PTPRD: variants seen among roughly 807,000 people sequenced by gnomAD.
The protein encoded by PTPRD is receptor-type tyrosine-protein phosphatase delta.
A neutral mutation model predicts 214.5 loss-of-function variants in PTPRD; 34 were observed. The observed-to-expected ratio is 0.16, with a 90% CI of 0.12 to 0.21. The LOEUF is 0.21. Among genes scored for constraint, PTPRD ranks in the 10% least tolerant of loss-of-function variants. The pLI is 1.00. For missense variants in PTPRD, 2,545 were observed against 2,398.7 expected (o/e 1.06, Z -1.27); for synonymous variants, 1,128 against 845.7 (o/e 1.33, Z -5.79).
At chr9:10,461,323 T>C (rs1242471051) in intron 2 of PTPRD, among the ~76,000 whole-genome samples, 1 of 147,160 alleles carries the variant, frequency 6.8e-6, no homozygotes, top group African/African-American at 2.5e-5. Context: ...AGATTTCTAA[T>C]GAAATTAAAA....
intron 14 of PTPRD, among the ~76,000 whole-genome samples, chr9:8,578,823 T>G (rs2154248583): frequency 6.6e-6 from 1 of 152,360 alleles, no homozygotes. Flanking sequence ...CTTACCATTT[T>G]GATTAAAAAG....
At chr9:9,306,596 T>G (rs2135228872) in intron 9 of PTPRD, among the ~76,000 whole-genome samples, 1 of 151,728 alleles carries the variant, frequency 6.6e-6, no homozygotes, top group African/African-American at 2.4e-5. Flanking sequence ...AAAATCCATC[T>G]TTTCTTTAAA....
At chr9:10,065,187 G>GAA (rs1555538120) in intron 3 of PTPRD, among the ~76,000 whole-genome samples, 1 of 151,658 alleles carries the variant, frequency 6.6e-6, no homozygotes. Context: ...AAGAAAGAAA[G>GAA]AAAGAAAAGG....
At chr9:9,060,301 A>G (rs573555125) in intron 10 of PTPRD, among the ~76,000 whole-genome samples, 1 of 152,298 alleles carries the variant, frequency 6.6e-6, no homozygotes, top group African/African-American at 2.4e-5. Flanking sequence ...GCAGTAGGAA[A>G]TGAAAACTCT....
intron 10 of PTPRD, among the ~76,000 whole-genome samples, chr9:9,178,653 G>C (rs1324115863): frequency 6.6e-6 from 1 of 152,030 alleles, no homozygotes; most frequent in African/African-American, 2.4e-5. Context: ...GAGCTGAAAA[G>C]CATTTAGTCA....
At chr9:9,885,668 C>T (rs1419172060) in intron 5 of PTPRD, among the ~76,000 whole-genome samples, 1 of 151,988 alleles carries the variant, frequency 6.6e-6, no homozygotes, top group Non-Finnish European at 1.5e-5. Context: ...GGTTGGCATG[C>T]TATGGGGCCA....
At chr9:8,921,130 G>A (rs71507664) in intron 11 of PTPRD, among the ~76,000 whole-genome samples, 15,896 of 152,064 alleles carry the variant, frequency 0.1, 1,058 homozygotes, top group South Asian at 0.18. Context: ...ATTCTTTTCT[G>A]TCTCAAACCA....
intron 5 of PTPRD, among the ~76,000 whole-genome samples, chr9:9,828,321 GC>G (rs1458682930): frequency 2.0e-5 from 3 of 152,120 alleles, no homozygotes; most frequent in African/African-American, 7.2e-5. Flanking sequence ...ATACTATGCA[GC>G]CATAAAAAAG....
rs369999230 is a variant in PTPRD at position 9,158,010 on chromosome 9, C to T, written c.-143+25294G>A. 8.5e-5 allele frequency among the ~76,000 whole-genome samples: 13 copies of T among 152,240 alleles called. No individual in the cohort carries two copies. In the East Asian group the frequency reaches 1.9e-3, roughly 23 times the overall value. ...CCTGCGTGTTTGCTAAGAATAATGG[C>T]TTCCAAGTCCATCCATGTCCCTGCA... On this transcript the variant is annotated intron_variant, in intron 10 of 45. Transcript: ENST00000381196.
intron 45 of PTPRD, among the ~76,000 whole-genome samples, chr9:8,319,384 T>A (rs1006288765): frequency 1.3e-5 from 2 of 151,964 alleles, no homozygotes; most frequent in African/African-American, 4.8e-5. Flanking sequence ...AATCAAAATG[T>A]TTTGAATGGC....
intron 7 of PTPRD, among the ~76,000 whole-genome samples, chr9:9,616,796 C>T (rs750834790): frequency 2.2e-4 from 34 of 152,254 alleles, no homozygotes; most frequent in Admixed American, 7.2e-4. Context: ...GGCTGCTCTG[C>T]CTATGGAGTA....
At chr9:9,328,930 G>C (rs896661932) in intron 9 of PTPRD, among the ~76,000 whole-genome samples, 2 of 151,848 alleles carry the variant, frequency 1.3e-5, no homozygotes, top group Non-Finnish European at 2.9e-5. Context: ...GAGCCACCGC[G>C]CCTAGCATTT....
intron 9 of PTPRD, among the ~76,000 whole-genome samples, chr9:9,310,810 C>T (rs909078986): frequency 2.6e-5 from 4 of 151,940 alleles, no homozygotes; most frequent in South Asian, 2.1e-4. Flanking sequence ...TCCAGCTACT[C>T]GGGAGGCTGA....
chr9:10,377,858 T>C (rs1382266939), intron 2 of PTPRD, among the ~76,000 whole-genome samples: 1 of 152,132 alleles, frequency 6.6e-6, no homozygotes, highest in African/African-American at 2.4e-5. Flanking sequence ...TGAACAGTGC[T>C]GCAACAAACA....
At chr9:8,881,486 T>C (rs1168963042) in intron 11 of PTPRD, among the ~76,000 whole-genome samples, 1 of 152,228 alleles carries the variant, frequency 6.6e-6, no homozygotes, top group African/African-American at 2.4e-5. Flanking sequence ...CAATGTAGTA[T>C]ACAGTTAGTT....
intron 7 of PTPRD, among the ~76,000 whole-genome samples, chr9:9,705,564 A>G (rs1595674455): frequency 6.6e-6 from 1 of 152,134 alleles, no homozygotes; most frequent in Non-Finnish European, 1.5e-5. Flanking sequence ...TTTGCTCTCC[A>G]TGATCTTAGA....
chr9:10,416,197 A>T (rs2154513874), intron 2 of PTPRD, among the ~76,000 whole-genome samples: 1 of 151,888 alleles, frequency 6.6e-6, no homozygotes, highest in East Asian at 2.0e-4. Flanking sequence ...AAAAAAAAAA[A>T]ATTAGAAAAA....
At chr9:9,073,387 G>C (rs1271797128) in intron 10 of PTPRD, among the ~76,000 whole-genome samples, 1 of 152,128 alleles carries the variant, frequency 6.6e-6, no homozygotes, top group Non-Finnish European at 1.5e-5. Flanking sequence ...ATTTGGTTAT[G>C]AATAATTTTA....
chr9:9,753,801 T>C (rs1246741437), intron 6 of PTPRD, among the ~76,000 whole-genome samples: 4 of 152,040 alleles, frequency 2.6e-5, no homozygotes, highest in African/African-American at 9.7e-5. Flanking sequence ...GGATGGAATA[T>C]GACTGCATTA....
Sources: gnomAD v4.1 joint callset for allele counts (sites outside exome capture counted in the v4.1 genomes callset) on GRCh38, gnomAD v4.1.1 for gene constraint, MANE v1.5 for transcripts, NCBI Gene and HGNC (gene_info 2026-07-23, HGNC 2026-07-21) for gene names.